XPO6: variants seen among roughly 807,000 people sequenced by gnomAD.
XPO6 encodes exportin-6.
A neutral mutation model predicts 130.0 loss-of-function variants in XPO6; 3 were observed. The observed-to-expected ratio is 0.02, with a 90% CI of 0.01 to 0.06. The LOEUF (loss-of-function observed/expected upper bound fraction) is 0.06. XPO6 is among the 10% of genes least tolerant of loss of function. The pLI is 1.00. For synonymous variants in XPO6, 524 were observed against 548.9 expected (o/e 0.95, Z 0.63); for missense variants, 970 against 1,393.0 (o/e 0.70, Z 4.83).
At position 28,117,442 on chromosome 16, in the gene XPO6, G is replaced by A. The variant is rs767881985; in HGVS notation, c.1880C>T (p.Ala627Val). ...TAACCAGTGAGAGTAAGCCTGCAGC[G>A]CAGCCAGGGACTGAGCATGCCTGCA... ...LIDVHAQSLA[A>V]LQAYSHWLAQ... The change falls in exon 15 of 24, where the codon GCG becomes GTG. Residue 627 changes from alanine to valine, a missense_variant. This residue lies in a region of XPO6 where 936 missense variants were observed against 1,306.8 expected (regional missense o/e 0.72). Coordinates refer to ENST00000304658, the MANE Select transcript of XPO6 (RefSeq NM_015171.4). The A allele has an allele frequency of 1.4e-5, 22 of 1,614,022 alleles. No homozygotes were observed. The highest frequency in any genetic ancestry group is 1.0e-4 in the Admixed American group (6 of 59,998).
Position 28,146,173 on chromosome 16 carries a change from C to T in XPO6, c.1255G>A (p.Asp419Asn). The change falls in exon 9 of 24, where the codon GAT becomes AAT. Residue 419 changes from aspartate to asparagine, a missense_variant. Physicochemically the swap from Asp to Asn is conservative, Grantham distance 23. Transcript: ENST00000304658. ...TAGTCCAAAAACAGCGTCCAGATATCCAAACAAGAGAAGTAACCTTCATGA... is the reference window on the plus strand; with the variant it reads ...TAGTCCAAAAACAGCGTCCAGATATTCAAACAAGAGAAGTAACCTTCATGA... ...PTHEGYFSCL[D>N]IWTLFLDYLT... is the part of the protein sequence containing the mutation. 6.2e-7 allele frequency: 1 copy of T among 1,613,910 alleles called. No individual in the cohort carries two copies. Among genetic ancestry groups the T allele is most frequent in the Non-Finnish European group, 8.5e-7 (1 of 1,179,862 alleles).
intron 1 of XPO6, among the ~76,000 whole-genome samples, chr16:28,199,388 C>A (rs1021167482): frequency 6.6e-6 from 1 of 152,166 alleles, no homozygotes; most frequent in Non-Finnish European, 1.5e-5. Context: ...AATTCTCCCA[C>A]CTCAGCCTCC....
intron 1 of XPO6, among the ~76,000 whole-genome samples, chr16:28,201,218 G>GC (rs1393927377): frequency 1.3e-5 from 2 of 152,134 alleles, no homozygotes; most frequent in African/African-American, 2.4e-5. Flanking sequence ...CTTGCTGGTT[G>GC]CATGGATTTT....
intron 9 of XPO6, among the ~76,000 whole-genome samples, chr16:28,141,422 T>A (rs1285797428): frequency 6.6e-6 from 1 of 152,236 alleles, no homozygotes; most frequent in Non-Finnish European, 1.5e-5. Flanking sequence ...GCTTATTTGC[T>A]GAGCACCTAC....
At chr16:28,123,007 C>T (rs149356837) in intron 13 of XPO6, among the ~76,000 whole-genome samples, 1 of 152,144 alleles carries the variant, frequency 6.6e-6, no homozygotes, top group African/African-American at 2.4e-5. Flanking sequence ...TGCTCAAGGG[C>T]TCACTGGATA....
chr16:28,148,699 G>A (rs60958837), intron 8 of XPO6, among the ~76,000 whole-genome samples: 8,930 of 152,172 alleles, frequency 0.059, 660 homozygotes, highest in East Asian at 0.17. Flanking sequence ...AAGTCCAGTC[G>A]TATCTTGCCC....
intron 9 of XPO6, among the ~76,000 whole-genome samples, chr16:28,145,863 C>CA (rs1165321242): frequency 6.6e-6 from 1 of 152,200 alleles, no homozygotes; most frequent in African/African-American, 2.4e-5. Context: ...AACATTAACA[C>CA]AAATGCACTA....
intron 7 of XPO6, chr16:28,153,391 C>A: frequency 1.0e-6 from 1 of 985,124 alleles, no homozygotes; most frequent in Non-Finnish European, 1.2e-6. Context: ...TAGTCTGATG[C>A]TTCCGTTTTG....
chr16:28,203,434 T>A (rs2043982035), intron 1 of XPO6, among the ~76,000 whole-genome samples: 1 of 152,188 alleles, frequency 6.6e-6, no homozygotes, highest in South Asian at 2.1e-4. Context: ...CTTCCTTGGC[T>A]TAGACAGATA....
intron 6 of XPO6, among the ~76,000 whole-genome samples, chr16:28,163,200 G>A (rs2043304612): frequency 6.6e-6 from 1 of 152,194 alleles, no homozygotes; most frequent in South Asian, 2.1e-4. Context: ...GATCACAGGA[G>A]TTGTAAGTGA....
chr16:28,194,781 A>G (rs2043833472), intron 1 of XPO6, among the ~76,000 whole-genome samples: 1 of 151,978 alleles, frequency 6.6e-6, no homozygotes, highest in African/African-American at 2.4e-5. Flanking sequence ...ACTGCCGCCC[A>G]GGGTCTTTGC....
chr16:28,163,382 TC>T (rs1425626941), intron 6 of XPO6, among the ~76,000 whole-genome samples: 1 of 152,258 alleles, frequency 6.6e-6, no homozygotes, highest in Non-Finnish European at 1.5e-5. Context: ...TATGTACAGA[TC>T]TATATTTGAA....
At chr16:28,194,680 C>G (rs536602041) in intron 1 of XPO6, among the ~76,000 whole-genome samples, 78 of 152,192 alleles carry the variant, frequency 5.1e-4, no homozygotes, top group African/African-American at 1.8e-3. Flanking sequence ...TCTAACAAGT[C>G]TAGAAAGTTT....
In XPO6 at chr16:28,101,822, T is replaced by C. The variant is rs771657015; in HGVS notation, c.3045+25A>G. On this transcript the variant is annotated intron_variant, in intron 22 of 23. Transcript: ENST00000304658. The surrounding 1 kb of genome is among the most constrained non-coding windows in gnomAD (Gnocchi z 5.4). The stretch of plus-strand genomic sequence containing the variant: ...GGCCACAATGCCCCTGATGGAAGAA[T>C]ATTTCCAAGAGCTGGGGCACTTACC... 1 of 1,609,922 alleles carries C rather than the reference T, an allele frequency of 6.2e-7. No individual in the cohort carries two copies. The highest frequency in any genetic ancestry group is 2.2e-5 in the East Asian group (1 of 44,856).
chr16:28,115,577 A>G (rs1328860447), intron 15 of XPO6, among the ~76,000 whole-genome samples: 4 of 152,234 alleles, frequency 2.6e-5, no homozygotes, highest in African/African-American at 9.6e-5. Flanking sequence ...CAGGCAAAGT[A>G]GATTCAGCAT....
At chr16:28,121,527 T>C in intron 14 of XPO6, 143 bp downstream of exon 14, 1 of 701,250 alleles carries the variant, frequency 1.4e-6, no homozygotes, top group Non-Finnish European at 2.5e-6. Flanking sequence ...CAAAAAAATC[T>C]CTCTCTCTTT....
chr16:28,199,005 G>A (rs544884765), intron 1 of XPO6, among the ~76,000 whole-genome samples: 2 of 152,068 alleles, frequency 1.3e-5, no homozygotes, highest in East Asian at 1.9e-4. Flanking sequence ...TTAGCCGGGC[G>A]TGGTGTCACA....
At chr16:28,188,363 C>T (rs983371903) in intron 1 of XPO6, among the ~76,000 whole-genome samples, 4 of 152,136 alleles carry the variant, frequency 2.6e-5, no homozygotes, top group African/African-American at 9.7e-5. Flanking sequence ...GGTTCATGGG[C>T]TCATAGATAC....
chr16:28,170,987 C>G (rs1326423009), intron 4 of XPO6, among the ~76,000 whole-genome samples: 1 of 151,292 alleles, frequency 6.6e-6, no homozygotes, highest in Admixed American at 6.6e-5. Flanking sequence ...TTAATTGCTA[C>G]AATCTATAAA....
Sources: allele counts gnomAD v4.1 joint callset (sites outside exome capture counted in the v4.1 genomes callset), GRCh38; gene constraint gnomAD v4.1.1; regional missense constraint gnomAD v4.1.1; non-coding constraint Gnocchi (gnomAD v3.1); transcripts MANE v1.5; gene names NCBI Gene and HGNC (gene_info 2026-07-23, HGNC 2026-07-21).